The following AKAP7 variants were observed in gnomAD, a reference collection of about 807,000 sequenced individuals.
AKAP7 encodes A-kinase anchoring protein 7, also known as A kinase (PRKA) anchor protein 7.
A neutral mutation model predicts 39.5 loss-of-function variants in AKAP7; 39 were observed. The observed-to-expected ratio is 0.99, with a 90% CI of 0.76 to 1.29. The LOEUF is 1.29. Among genes scored for constraint, AKAP7 ranks in the 50% most tolerant of loss-of-function variants. The pLI is 0.00. For missense variants in AKAP7, 414 were observed against 407.7 expected (o/e 1.02, Z -0.13); for synonymous variants, 140 against 139.1 (o/e 1.01, Z -0.05).
rs571814283 is a variant in AKAP7, at chr6:131,202,726, T to A, written c.702+3153T>A. Among the ~76,000 whole-genome samples, 10 of 151,716 alleles carry A rather than the reference T, an allele frequency of 6.6e-5. No individual in the cohort carries two copies. In the South Asian group the frequency reaches 8.4e-4, roughly 13 times the overall value. ...TATACATATGTAACTAACCTGCACA[T>A]TGTGCACATGTACCCTAAAACTTAA... is the stretch of plus-strand genomic sequence containing the variant. On this transcript the variant is annotated intron_variant, in intron 6 of 7. Coordinates refer to ENST00000431975, the MANE Select transcript of AKAP7 (RefSeq NM_016377.4).
chr6:131,157,052 G>A (rs1354215298), intron 2 of AKAP7, among the ~76,000 whole-genome samples: 2 of 152,128 alleles, frequency 1.3e-5, no homozygotes, highest in African/African-American at 4.8e-5. Flanking sequence ...TGGGATTACA[G>A]GCATGAGCCA....
intron 7 of AKAP7, among the ~76,000 whole-genome samples, chr6:131,241,617 G>GTATACGTATATATA (rs1562238097): frequency 8.2e-5 from 8 of 97,216 alleles, no homozygotes; most frequent in South Asian, 5.8e-4. Context: ...GTGTGTGTGT[G>GTATACGTATATATA]TGTGTGTGTG....
At chr6:131,278,081 T>C (rs112133280) in intron 7 of AKAP7, among the ~76,000 whole-genome samples, 2,566 of 152,254 alleles carry the variant, frequency 0.017, 68 homozygotes, top group African/African-American at 0.058. Context: ...TTTAAAATGT[T>C]GCTATTGGTT....
intron 6 of AKAP7, among the ~76,000 whole-genome samples, chr6:131,212,181 G>C (rs1272459366): frequency 6.6e-6 from 1 of 152,084 alleles, no homozygotes; most frequent in Non-Finnish European, 1.5e-5. Flanking sequence ...CCTAAGTCAG[G>C]GACGATCTGT....
At chr6:131,267,131 A>T (rs1034205347) in intron 7 of AKAP7, among the ~76,000 whole-genome samples, 5 of 152,236 alleles carry the variant, frequency 3.3e-5, no homozygotes, top group Admixed American at 1.3e-4. Flanking sequence ...GAATAATTTT[A>T]AAAAATATTA....
chr6:131,166,362 G>GTT (rs1244910598), intron 4 of AKAP7, among the ~76,000 whole-genome samples: 2 of 150,782 alleles, frequency 1.3e-5, no homozygotes, highest in African/African-American at 2.4e-5. Context: ...AGGGAGTAGT[G>GTT]CTCTGTGTGT....
At chr6:131,211,543 A>G (rs1188136812) in intron 6 of AKAP7, among the ~76,000 whole-genome samples, 1 of 152,050 alleles carries the variant, frequency 6.6e-6, no homozygotes, top group South Asian at 2.1e-4. Flanking sequence ...AGGTGGGCGG[A>G]TCACGAGGTC....
At chr6:131,237,382 C>A (rs561239056) in intron 7 of AKAP7, among the ~76,000 whole-genome samples, 1 of 152,104 alleles carries the variant, frequency 6.6e-6, no homozygotes, top group South Asian at 2.1e-4. Flanking sequence ...TTTGTTGTGT[C>A]TCTGCCAGGC....
chr6:131,245,539 C>T (rs1212199032), intron 7 of AKAP7, among the ~76,000 whole-genome samples: 1 of 151,756 alleles, frequency 6.6e-6, no homozygotes, highest in Non-Finnish European at 1.5e-5. Flanking sequence ...TCTTCAGGCC[C>T]AGAATAATTG....
intron 7 of AKAP7, among the ~76,000 whole-genome samples, chr6:131,241,609 G>GTGTGTGTATATACGTATATATA (rs1811579286): frequency 7.4e-6 from 1 of 135,446 alleles, no homozygotes; most frequent in African/African-American, 2.7e-5. Flanking sequence ...GTGTGTGTGT[G>GTGTGTGTATATACGTATATATA]TGTGTGTGTG....
Position 131,211,924 on chromosome 6 carries a change from A to G in AKAP7, c.703-7737A>G, listed in dbSNP as rs368764074. On this transcript the variant is annotated intron_variant, in intron 6 of 7. Transcript: ENST00000431975. ...AAAATGCATTTAATACATTTACCTT[A>G]TCAAACCTGATAGCCTAGCCTAGCC... 5.3e-5 allele frequency among the ~76,000 whole-genome samples: 8 copies of G among 152,328 alleles called. No individual in the cohort carries two copies. The East Asian group carries it at 1.2e-3, about 22-fold the overall frequency.
chr6:131,205,989 T>C (rs1439997038), intron 6 of AKAP7, among the ~76,000 whole-genome samples: 1 of 152,240 alleles, frequency 6.6e-6, no homozygotes, highest in African/African-American at 2.4e-5. Context: ...TTTGGACTTA[T>C]TTTTCTTACT....
chr6:131,253,659 C>CTTATTTAT (rs56220549), intron 7 of AKAP7, among the ~76,000 whole-genome samples: 2,484 of 149,778 alleles, frequency 0.017, 51 homozygotes, highest in Admixed American at 0.048. Flanking sequence ...ATGAGATCTA[C>CTTATTTAT]TTATTTATTT....
chr6:131,157,789 C>T (rs1352601578), intron 2 of AKAP7, among the ~76,000 whole-genome samples: 1 of 152,104 alleles, frequency 6.6e-6, no homozygotes, highest in Non-Finnish European at 1.5e-5. Context: ...AAACGTGTAT[C>T]CTCTAATCAT....
intron 5 of AKAP7, among the ~76,000 whole-genome samples, chr6:131,179,204 C>T (rs916728692): frequency 1.1e-4 from 16 of 151,942 alleles, no homozygotes; most frequent in African/African-American, 1.9e-4. Context: ...GATGGAGTCT[C>T]GCCCTGTTGC....
intron 2 of AKAP7, among the ~76,000 whole-genome samples, chr6:131,158,127 T>A (rs1802590424): frequency 6.6e-6 from 1 of 152,240 alleles, no homozygotes; most frequent in African/African-American, 2.4e-5. Flanking sequence ...AGAAACAGAA[T>A]AAGAATTATT....
At chr6:131,195,540 C>G (rs1806840508) in intron 5 of AKAP7, among the ~76,000 whole-genome samples, 1 of 152,124 alleles carries the variant, frequency 6.6e-6, no homozygotes, top group African/African-American at 2.4e-5. Flanking sequence ...TTTGTACCTT[C>G]AGATGATTTC....
rs531582478 is a variant in AKAP7 at position 131,207,491 on chromosome 6, ATTTTT to A, written c.702+7940_702+7944del. Reference sequence around the variant, plus strand: ...TGCACACCATGCCTGGCTAATTAAAATTTTTTTTTTTTTTTTTTTTTTTTTTAGAT... The same window carrying A: ...TGCACACCATGCCTGGCTAATTAAAATTTTTTTTTTTTTTTTTTTTTAGAT... On this transcript the variant is annotated intron_variant, in intron 6 of 7. Coordinates refer to ENST00000431975, the MANE Select transcript of AKAP7 (RefSeq NM_016377.4). Among the ~76,000 whole-genome samples the A allele has an allele frequency of 5.7e-3, 453 of 78,786 alleles. 5 individuals carry two copies. Among genetic ancestry groups the A allele is most frequent in the African/African-American group, 0.012 (237 of 20,140 alleles). 51.7% of individuals were successfully genotyped at this position (78,786 alleles called of 152,430 possible). A position where few individuals can be genotyped will look rare whatever the true frequency, so the allele number is the denominator to read the frequency against.
intron 5 of AKAP7, among the ~76,000 whole-genome samples, chr6:131,197,527 C>T (rs1255857993): frequency 2.0e-5 from 3 of 152,136 alleles, no homozygotes; most frequent in Non-Finnish European, 4.4e-5. Context: ...GAAGTTGCCC[C>T]ACAGCTTACT....
Sources: allele counts gnomAD v4.1 joint callset (sites outside exome capture counted in the v4.1 genomes callset), GRCh38; gene constraint gnomAD v4.1.1; transcripts MANE v1.5; gene names NCBI Gene and HGNC (gene_info 2026-07-23, HGNC 2026-07-21).